PHACTR2: variants seen among roughly 807,000 people sequenced by gnomAD.
PHACTR2 encodes the protein chromosome 6 open reading frame 56.
Under a neutral mutation model 76.0 loss-of-function variants are expected in PHACTR2, and 30 were observed. That is an observed-to-expected ratio of 0.39 (90% confidence interval 0.30 to 0.54). The LOEUF is 0.54. Among genes scored for constraint, PHACTR2 ranks in the 20% least tolerant of loss-of-function variants. PHACTR2 has a pLI of 0.61. For missense variants in PHACTR2, 696 were observed against 781.1 expected, an observed-to-expected ratio of 0.89 and a Z score of 1.30; for synonymous variants, 292 against 292.5, an observed-to-expected ratio of 1.00 and a Z score of 0.02.
At chr6:143,758,435 T>C (rs559950283) in intron 4 of PHACTR2, among the ~76,000 whole-genome samples, 11 of 152,290 alleles carry the variant, frequency 7.2e-5, no homozygotes, top group African/African-American at 2.6e-4. Flanking sequence ...ACTTCAACCA[T>C]ATGTCAGAAG....
Position 143,608,457 on chromosome 6 carries a change from T to C in PHACTR2, c.13+135T>C, listed in dbSNP as rs1482411204. 5 of 808,240 alleles carry C rather than the reference T, an allele frequency of 6.2e-6. No individual in the cohort carries two copies. The highest frequency in any genetic ancestry group is 4.4e-5 in the South Asian group (3 of 68,774). The allele number at this position is 808,240 out of a possible 1,614,324, so 50.1% of individuals were successfully genotyped here. A position where few individuals can be genotyped will look rare whatever the true frequency, so the allele number is the denominator to read the frequency against. On this transcript the variant is annotated intron_variant, in intron 1 of 11. Coordinates refer to the PHACTR2 transcript ENST00000305766. This position sits in a 1 kb window ranked among gnomAD's most constrained non-coding sequence, Gnocchi z 4.6. ...TCAAGACTGAGACGCGTGTAATATGTGAACCCCGATGCATTGTCCACAAGA... is the reference window on the plus strand; with the variant it reads ...TCAAGACTGAGACGCGTGTAATATGCGAACCCCGATGCATTGTCCACAAGA...
At chr6:143,588,833 T>A (rs747674559) in intron 1 of PHACTR2, among the ~76,000 whole-genome samples, 1 of 152,202 alleles carries the variant, frequency 6.6e-6, no homozygotes, top group African/African-American at 2.4e-5. Context: ...ATCTATGAAT[T>A]TGAAAACAGA....
In PHACTR2 at chr6:143,625,361, T is replaced by A. The variant is rs1310495199; in HGVS notation, c.13+17039T>A. The stretch of plus-strand genomic sequence containing the variant: ...AAACTATATCACTACCTGTACAGTT[T>A]ATTCAAAAAATAAATATTTAAGTTA... On this transcript the variant is annotated intron_variant, in intron 1 of 11. Transcript: ENST00000305766. This position sits in a 1 kb window ranked among gnomAD's most constrained non-coding sequence, Gnocchi z 4.3. 6.6e-6 allele frequency among the ~76,000 whole-genome samples: 1 copy of A among 152,172 alleles called. No individual in the cohort carries two copies. The highest frequency in any genetic ancestry group is 1.9e-4 in the East Asian group (1 of 5,202).
At position 143,595,197 on chromosome 6, in the gene PHACTR2, C is replaced by A. The variant is rs190361980; in HGVS notation, c.217+57990C>A. Among the ~76,000 whole-genome samples, 137 of 152,204 alleles carry A rather than the reference C, an allele frequency of 9.0e-4. 2 individuals carry two copies. Among genetic ancestry groups the A allele is most frequent in the Non-Finnish European group, 5.7e-4 (39 of 68,010 alleles). On this transcript the variant is annotated intron_variant, in intron 1 of 11. Transcript: ENST00000367584. The surrounding 1 kb of genome is among the most constrained non-coding windows in gnomAD (Gnocchi z 4.2). ...GAATGATGTTGCTTATTAAAAAGTT[C>A]AATTAGAGGATGGGCACTAAAATAT...
At chr6:143,715,955 A>G (rs1778291363) in intron 2 of PHACTR2, among the ~76,000 whole-genome samples, 1 of 152,154 alleles carries the variant, frequency 6.6e-6, no homozygotes. Flanking sequence ...AATTAGTGCA[A>G]CGTAGCTTTT....
chr6:143,641,686 A>C lies in PHACTR2; in HGVS notation c.13+33364A>C, dbSNP rs1464190622. On this transcript the variant is annotated intron_variant, in intron 1 of 11. Transcript: ENST00000305766. The surrounding 1 kb of genome is among the most constrained non-coding windows in gnomAD (Gnocchi z 5.8). ...CCTGCCCAGCTAATTTTGTATTTTG[A>C]ATAGAGACGGGGTTTCTCCATGTTG... Among the ~76,000 whole-genome samples the C allele has an allele frequency of 6.6e-6, 1 of 151,966 alleles. No homozygotes were observed. The highest frequency in any genetic ancestry group is 1.5e-5 in the Non-Finnish European group (1 of 68,000).
chr6:143,544,487 C>T (rs1562679358), intron 1 of PHACTR2, among the ~76,000 whole-genome samples: 1 of 150,890 alleles, frequency 6.6e-6, no homozygotes, highest in Non-Finnish European at 1.5e-5. Context: ...TAAGTCACCT[C>T]CCTATGCTAG....
At chr6:143,628,924 G>GATATATATATAT (rs71024862) in intron 1 of PHACTR2, among the ~76,000 whole-genome samples, 1 of 34,018 alleles carries the variant, frequency 2.9e-5, no homozygotes, top group South Asian at 9.6e-4. Context: ...AAATGCAGGA[G>GATATATATATAT]ATATATATAT....
intron 6 of PHACTR2, among the ~76,000 whole-genome samples, chr6:143,771,123 G>C (rs1775091303): frequency 9.7e-6 from 1 of 103,586 alleles, no homozygotes; most frequent in South Asian, 3.1e-4. Context: ...ATTCATATAT[G>C]TACTTTACAT....
At chr6:143,607,536 C>T (rs1775896145), upstream of PHACTR2, among the ~76,000 whole-genome samples, 1 of 152,108 alleles carries the variant, frequency 6.6e-6, no homozygotes, top group African/African-American at 2.4e-5. Flanking sequence ...CCTCTTTTGA[C>T]AGTTCTTTCT....
rs2128471110 is a variant in PHACTR2 at position 143,755,694 on chromosome 6, T to C, written c.454+1782T>C. Among the ~76,000 whole-genome samples, 1 of 151,124 alleles carries C rather than the reference T, an allele frequency of 6.6e-6. No individual in the cohort carries two copies. Among genetic ancestry groups the C allele is most frequent in the East Asian group, 1.9e-4 (1 of 5,168 alleles). On this transcript the variant is annotated intron_variant, in intron 4 of 12. Coordinates refer to ENST00000440869, the MANE Select transcript of PHACTR2 (RefSeq NM_001100164.2). The surrounding 1 kb of genome is among the most constrained non-coding windows in gnomAD (Gnocchi z 5.2). ...GGAGTGCTGGATGCTGACATACCAC[T>C]AAAGAGGCAGTGCGGCTGTCTCCTG...
rs1038861298 is a variant in PHACTR2 at position 143,548,837 on chromosome 6, T to G, written c.217+11630T>G. Among the ~76,000 whole-genome samples the G allele has an allele frequency of 6.6e-6, 1 of 151,914 alleles. No individual in the cohort carries two copies. Among genetic ancestry groups the G allele is most frequent in the Non-Finnish European group, 1.5e-5 (1 of 67,966 alleles). ...AAAACTATGTGAAATAAGGAAGCAT[T>G]TTTTTAACATAACAAAGTGGATGTT... On this transcript the variant is annotated intron_variant, in intron 1 of 11. Transcript: ENST00000367584. The surrounding 1 kb of genome is among the most constrained non-coding windows in gnomAD (Gnocchi z 4.5).
At chr6:143,682,753 C>A (rs544966753) in intron 1 of PHACTR2, among the ~76,000 whole-genome samples, 1 of 115,600 alleles carries the variant, frequency 8.7e-6, no homozygotes, top group East Asian at 2.5e-4. Flanking sequence ...TGTTCCTGAT[C>A]TAACAAAAAA....
At chr6:143,545,520 G>T (rs1249519986) in intron 1 of PHACTR2, among the ~76,000 whole-genome samples, 1 of 152,160 alleles carries the variant, frequency 6.6e-6, no homozygotes, top group Non-Finnish European at 1.5e-5. Flanking sequence ...TTCCCCACAT[G>T]ATCACACTCT....
rs1776901046 is a variant in PHACTR2 at position 143,659,020 on chromosome 6, T to A, written c.13+50698T>A. Among the ~76,000 whole-genome samples the A allele has an allele frequency of 8.8e-6, 1 of 113,764 alleles. No individual in the cohort carries two copies. Among genetic ancestry groups the A allele is most frequent in the South Asian group, 3.1e-4 (1 of 3,204 alleles). 74.6% of individuals were successfully genotyped at this position (113,764 alleles called of 152,430 possible). On this transcript the variant is annotated intron_variant, in intron 1 of 11. Transcript: ENST00000305766. The surrounding 1 kb of genome is among the most constrained non-coding windows in gnomAD (Gnocchi z 5.0). ...GCCTGGGCAACAAAGCAAGATTCTGTCTCAAAAAAAAAAAAAAAGATAAAA... is the reference window on the plus strand; with the variant it reads ...GCCTGGGCAACAAAGCAAGATTCTGACTCAAAAAAAAAAAAAAAGATAAAA...
In PHACTR2 at chr6:143,653,803, A is replaced by G. The variant is rs1776802587; in HGVS notation, c.13+45481A>G. Among the ~76,000 whole-genome samples, 1 of 152,168 alleles carries G rather than the reference A, an allele frequency of 6.6e-6. No homozygotes were observed. On this transcript the variant is annotated intron_variant, in intron 1 of 11. Transcript: ENST00000305766. This position sits in a 1 kb window ranked among gnomAD's most constrained non-coding sequence, Gnocchi z 4.9. ...TAGGTGTAAATTTTCATGACCTTGA[A>G]TTAGGCAATTATTTCTTTAAAATAT...
chr6:143,573,546 T>C (rs1775472273), intron 1 of PHACTR2, among the ~76,000 whole-genome samples: 1 of 150,786 alleles, frequency 6.6e-6, no homozygotes, highest in Non-Finnish European at 1.5e-5. Context: ...TCCAAACCAG[T>C]TTTGTGAACC....
chr6:143,586,676 C>A (rs1775632968), intron 1 of PHACTR2, among the ~76,000 whole-genome samples: 1 of 152,150 alleles, frequency 6.6e-6, no homozygotes, highest in African/African-American at 2.4e-5. Flanking sequence ...GCGGTTTATG[C>A]AGAAATTTCT....
In PHACTR2 at chr6:143,765,257, G is replaced by A. The variant is rs9496767; in HGVS notation, c.695-4G>A. ...TTTTTTAATGCAAGGTCTCTCTATT[G>A]TAGCTGGCTCCTCTCATTCAAAAAA... On this transcript the variant is annotated splice_region_variant and splice_polypyrimidine_tract_variant and intron_variant, in intron 5 of 12. Coordinates refer to ENST00000440869, the MANE Select transcript of PHACTR2 (RefSeq NM_001100164.2). This position sits in a 1 kb window ranked among gnomAD's most constrained non-coding sequence, Gnocchi z 4.1. 835,530 of 1,605,126 alleles carry A rather than the reference G, an allele frequency of 0.52. 218,858 individuals carry two copies. Among genetic ancestry groups the A allele is most frequent in the Admixed American group, 0.55 (32,372 of 58,738 alleles).
Sources: allele counts gnomAD v4.1 joint callset (sites outside exome capture counted in the v4.1 genomes callset), GRCh38; gene constraint gnomAD v4.1.1; non-coding constraint Gnocchi (gnomAD v3.1); transcripts MANE v1.5; gene names NCBI Gene and HGNC (gene_info 2026-07-23, HGNC 2026-07-21).